The following BBS4 variants were observed in gnomAD, a reference collection of about 807,000 sequenced individuals.
BBS4 encodes Bardet-Biedl syndrome 4.
A neutral mutation model predicts 71.4 loss-of-function variants in BBS4; 58 were observed. The ratio of observed to expected loss-of-function variants is 0.81; its 90% confidence interval spans 0.66 to 1.01. The LOEUF (loss-of-function observed/expected upper bound fraction) is 1.01. Ranked by LOEUF, BBS4 falls within the 50% of genes least tolerant of loss-of-function variation. BBS4 has a pLI of 0.00. For missense variants in BBS4, 660 were observed against 607.9 expected, an observed-to-expected ratio of 1.09 and a Z score of -0.90; for synonymous variants, 228 against 216.8, an observed-to-expected ratio of 1.05 and a Z score of -0.46.
rs1254813173 is a variant in BBS4 at position 72,736,904 on chromosome 15, C to T, written c.1391C>T (p.Ser464Phe). 3.1e-6 allele frequency: 5 copies of T among 1,614,092 alleles called. No individual in the cohort carries two copies. The highest frequency in any genetic ancestry group is 4.2e-6 in the Non-Finnish European group (5 of 1,180,052). Residue 464 changes from serine (S) to phenylalanine (F), a missense_variant, in exon 15 of 16, where the codon TCT (serine) becomes TTT (phenylalanine). Physicochemically the swap from Ser to Phe is radical, Grantham distance 155. Coordinates refer to ENST00000268057, the MANE Select transcript of BBS4 (RefSeq NM_033028.5). ...GCCAGTTTCCAGCAGCCTCTGGGCT[C>T]TAATCAAGCTCTAGGACAGGCAATG... is the stretch of plus-strand genomic sequence containing the variant. ...KPASFQQPLG[S>F]NQALGQAMSS...
Position 72,731,469 on chromosome 15 carries a change from C to T in BBS4, c.864+12C>T. On this transcript the variant is annotated intron_variant, in intron 11 of 15. Coordinates refer to ENST00000268057, the MANE Select transcript of BBS4 (RefSeq NM_033028.5). ...AGAAATATGTGGCGGTGAGTGTCCC[C>T]TCATGTTCTTTGTTTGTATTTCTAC... 2.5e-6 allele frequency: 4 copies of T among 1,614,130 alleles called. No homozygotes were observed. Among genetic ancestry groups the T allele is most frequent in the Non-Finnish European group, 3.4e-6 (4 of 1,180,028 alleles).
intron 6 of BBS4, among the ~76,000 whole-genome samples, chr15:72,720,944 G>T (rs886742795): frequency 6.6e-6 from 1 of 152,164 alleles, no homozygotes; most frequent in Non-Finnish European, 1.5e-5. Context: ...ATTTTAAAAG[G>T]TCAGAGGTTA....
At position 72,724,614 on chromosome 15, in the gene BBS4, A is replaced by G. The variant is rs147218625; in HGVS notation, c.546A>G (p.Gly182=). The G allele has an allele frequency of 7.5e-5, 121 of 1,614,004 alleles. 1 individual carries two copies. The highest frequency in any genetic ancestry group is 9.7e-5 in the Non-Finnish European group (114 of 1,179,986). ...IMLGKIHLLE[G]DLDKAIEVYK... ...TGGGGAAGATCCACTTGCTGGAGGG[A>G]GACTTGGACAAGGCCATTGAAGTCT... The change falls in exon 8 of 16, where the codon GGA becomes GGG. Residue 182 remains glycine, a synonymous_variant. Transcript: ENST00000268057.
chr15:72,717,158 A>G (rs1329418882), intron 6 of BBS4: 1 of 342,318 alleles, frequency 2.9e-6, no homozygotes, highest in East Asian at 6.6e-5. Flanking sequence ...AGCAATAGGC[A>G]TCTAGTTGTG....
intron 6 of BBS4, among the ~76,000 whole-genome samples, chr15:72,718,853 T>C (rs1037284691): frequency 1.3e-5 from 2 of 152,078 alleles, no homozygotes; most frequent in Admixed American, 1.3e-4. Flanking sequence ...TTCAGAGGAT[T>C]TTGGATATGA....
chr15:72,689,028 G>GAA, intron 1 of BBS4, among the ~76,000 whole-genome samples: 2 of 130,628 alleles, frequency 1.5e-5, no homozygotes, highest in South Asian at 2.4e-4. Flanking sequence ...AACTCAGAAA[G>GAA]AAAAAAAAAA....
intron 9 of BBS4, among the ~76,000 whole-genome samples, chr15:72,728,472 T>C (rs2065744529): frequency 6.6e-6 from 1 of 151,912 alleles, no homozygotes; most frequent in Non-Finnish European, 1.5e-5. Context: ...CACTCCATCC[T>C]GGGTGACAGA....
At chr15:72,701,493 A>AT (rs1291120679) in intron 2 of BBS4, among the ~76,000 whole-genome samples, 5 of 152,298 alleles carry the variant, frequency 3.3e-5, no homozygotes, top group Admixed American at 6.5e-5. Context: ...ACCAGGAAGG[A>AT]TATATTTAGG....
rs919612522 is a variant in BBS4, at chr15:72,698,843, A to G, written c.76+3615A>G. 2.6e-5 allele frequency among the ~76,000 whole-genome samples: 4 copies of G among 152,256 alleles called. No homozygotes were observed. In the South Asian group the frequency reaches 8.3e-4, roughly 32 times the overall value. On this transcript the variant is annotated intron_variant, in intron 2 of 15. Transcript: ENST00000268057. Reference sequence around the variant, plus strand: ...TTTGTAGATGCTGTACATGCTCTTCACTTCATTAATCTTTTCCTTTTGCTA... The same window carrying G: ...TTTGTAGATGCTGTACATGCTCTTCGCTTCATTAATCTTTTCCTTTTGCTA...
Position 72,729,466 on chromosome 15 carries a change from T to G in BBS4, c.643-150T>G, listed in dbSNP as rs1256454886. On this transcript the variant is annotated intron_variant, in intron 9 of 15. Coordinates refer to ENST00000268057, the MANE Select transcript of BBS4 (RefSeq NM_033028.5). ...GGTTTCTCCATGTTGGTCAGGCTGG[T>G]CTCGAACTCCTGACCTCAGGTGATC... The G allele has an allele frequency of 8.5e-6, 6 of 709,760 alleles. No homozygotes were observed. In the Admixed American group the frequency reaches 1.2e-4, roughly 14 times the overall value. 44.0% of individuals were successfully genotyped at this position (709,760 alleles called of 1,614,324 possible). A position where few individuals can be genotyped will look rare whatever the true frequency, so the allele number is the denominator to read the frequency against.
At chr15:72,705,296 A>C (rs1288664435) in intron 2 of BBS4, among the ~76,000 whole-genome samples, 1 of 151,058 alleles carries the variant, frequency 6.6e-6, no homozygotes, top group African/African-American at 2.5e-5. Flanking sequence ...TGAATGAATG[A>C]GTCTTGGTTT....
At chr15:72,705,679 C>T (rs958190733) in intron 2 of BBS4, among the ~76,000 whole-genome samples, 29 of 138,928 alleles carry the variant, frequency 2.1e-4, no homozygotes, top group Admixed American at 1.1e-3. Flanking sequence ...GCAACCTCTG[C>T]CTCCCAGGCT....
intron 2 of BBS4, among the ~76,000 whole-genome samples, chr15:72,703,824 A>G (rs1173587067): frequency 1.3e-5 from 2 of 152,212 alleles, no homozygotes; most frequent in African/African-American, 4.8e-5. Context: ...AATCTGAACC[A>G]TAATAATTTT....
intron 1 of BBS4, 106 bp downstream of exon 1, chr15:72,686,357 C>G (rs771277701): frequency 4.8e-4 from 746 of 1,541,706 alleles, no homozygotes; most frequent in Non-Finnish European, 5.8e-4. Context: ...AGCTGGGTGC[C>G]GAGCGTCTCA....
chr15:72,719,372 T>C (rs1490007550), intron 6 of BBS4, among the ~76,000 whole-genome samples: 1 of 151,640 alleles, frequency 6.6e-6, no homozygotes, highest in South Asian at 2.1e-4. Context: ...CTCCTGCCTC[T>C]GCCTCCTGAG....
At chr15:72,707,200 A>T (rs1239230629) in intron 2 of BBS4, among the ~76,000 whole-genome samples, 1 of 125,180 alleles carries the variant, frequency 8.0e-6, no homozygotes. Context: ...TTTTTTGGAG[A>T]CAGAATCTTG....
Position 72,733,357 on chromosome 15 carries a change from G to A in BBS4, c.1036+1631G>A, listed in dbSNP as rs537000602. Among the ~76,000 whole-genome samples the A allele has an allele frequency of 8.3e-3, 1,260 of 152,154 alleles. 13 individuals are homozygous for A. The highest frequency in any genetic ancestry group is 0.029 in the African/African-American group (1,192 of 41,486). ...TGTGCATCCTGTTACACAGGCACGT[G>A]TGTCATGGGGATTAGTTGTACAGAT... On this transcript the variant is annotated intron_variant, in intron 12 of 15. Transcript: ENST00000268057.
At chr15:72,720,256 G>A (rs916253099) in intron 6 of BBS4, among the ~76,000 whole-genome samples, 1 of 151,900 alleles carries the variant, frequency 6.6e-6, no homozygotes, top group Non-Finnish European at 1.5e-5. Context: ...GATGCTGAGT[G>A]GGGAGGATCA....
chr15:72,704,024 G>A (rs935759098), intron 2 of BBS4, among the ~76,000 whole-genome samples: 1 of 152,122 alleles, frequency 6.6e-6, no homozygotes, highest in African/African-American at 2.4e-5. Context: ...AATATGTCAG[G>A]TGCATCCTTA....
Sources: allele counts gnomAD v4.1 joint callset (sites outside exome capture counted in the v4.1 genomes callset), GRCh38; gene constraint gnomAD v4.1.1; transcripts MANE v1.5; gene names NCBI Gene and HGNC (gene_info 2026-07-23, HGNC 2026-07-21).